Variants in KCNG3 observed in about 807,000 individuals in gnomAD.
KCNG3 encodes voltage-gated potassium channel regulatory subunit KCNG3.
A neutral mutation model predicts 29.0 loss-of-function variants in KCNG3; 15 were observed. The ratio of observed to expected loss-of-function variants is 0.52; its 90% CI spans 0.35 to 0.80. KCNG3 has a LOEUF of 0.80. KCNG3 is among the 30% of genes least tolerant of loss of function. The pLI, the probability that KCNG3 is intolerant of heterozygous loss-of-function variation, is 0.01. For missense variants in KCNG3, 512 were observed against 605.7 expected (o/e 0.85, Z 1.62); for synonymous variants, 322 against 248.9 (o/e 1.29, Z -2.76).
the KCNG3 span, among the ~76,000 whole-genome samples, chr2:42,436,409 G>T: frequency 1.7e-4 from 26 of 152,110 alleles, no homozygotes; most frequent in Non-Finnish European, 3.2e-4. Context: ...TTTAAAAAAG[G>T]CATTGTTAGG....
chr2:42,447,293 C>T (rs1672624808), intron 1 of KCNG3, among the ~76,000 whole-genome samples: 1 of 150,060 alleles, frequency 6.7e-6, no homozygotes, highest in African/African-American at 2.5e-5. Flanking sequence ...CATACAGATA[C>T]ATACATACAC....
intron 1 of KCNG3, among the ~76,000 whole-genome samples, chr2:42,467,682 A>T (rs1160629697): frequency 1.3e-5 from 2 of 148,226 alleles, no homozygotes; most frequent in Non-Finnish European, 3.0e-5. Flanking sequence ...AAAAAAAAAA[A>T]ATTAGAACCA....
the KCNG3 span, among the ~76,000 whole-genome samples, chr2:42,389,248 C>G: frequency 6.6e-6 from 1 of 152,184 alleles, no homozygotes; most frequent in Admixed American, 6.5e-5. Flanking sequence ...CTGCTTTTAT[C>G]ACTTAACAGT....
chr2:42,452,330 C>T (rs1672780901), intron 1 of KCNG3, among the ~76,000 whole-genome samples: 1 of 149,548 alleles, frequency 6.7e-6, no homozygotes. Flanking sequence ...ACTGCAGCCT[C>T]AAATTCACCT....
chr2:42,435,499 G>A, the KCNG3 span, among the ~76,000 whole-genome samples: 235 of 152,188 alleles, frequency 1.5e-3, 1 homozygote, highest in African/African-American at 5.2e-3. Context: ...CTCAGAATAA[G>A]AGAAAATATT....
At chr2:42,471,940 T>C (rs1420565477) in intron 1 of KCNG3, among the ~76,000 whole-genome samples, 1 of 150,442 alleles carries the variant, frequency 6.6e-6, no homozygotes, top group Non-Finnish European at 1.5e-5. Flanking sequence ...ATATTTCATA[T>C]CTACCAGATT....
intron 1 of KCNG3, among the ~76,000 whole-genome samples, chr2:42,466,962 G>A (rs1236056176): frequency 3.3e-5 from 5 of 151,854 alleles, no homozygotes; most frequent in Admixed American, 6.6e-5. Context: ...CATGTTGGCC[G>A]GGCTGGTCTC....
Position 42,452,243 on chromosome 2 carries a change from A to ATATATATATATTTTT in KCNG3, c.666-7665_666-7664insAAAAATATATATATA. On this transcript the variant is annotated intron_variant, in intron 1 of 1. Coordinates refer to ENST00000306078, the MANE Select transcript of KCNG3 (RefSeq NM_133329.6). ...TAAATATATATATATATATATATAT[A>ATATATATATATTTTT]TTTTTTTTTTTTTTTTAAAGGAAAC... Among the ~76,000 whole-genome samples the ATATATATATATTTTT allele has an allele frequency of 8.1e-3, 768 of 94,894 alleles. 12 individuals carry two copies. The highest frequency in any genetic ancestry group is 0.017 in the East Asian group (36 of 2,168). 62.3% of individuals were successfully genotyped at this position (94,894 alleles called of 152,430 possible). A position where few individuals can be genotyped will look rare whatever the true frequency, so the allele number is the denominator to read the frequency against.
At chr2:42,477,580 T>A (rs967789155) in intron 1 of KCNG3, among the ~76,000 whole-genome samples, 1 of 151,520 alleles carries the variant, frequency 6.6e-6, no homozygotes, top group Admixed American at 6.6e-5. Context: ...AAAATTTTTA[T>A]TAGATATTTG....
intron 1 of KCNG3, among the ~76,000 whole-genome samples, chr2:42,467,772 C>T (rs922587319): frequency 6.6e-6 from 1 of 151,508 alleles, no homozygotes; most frequent in African/African-American, 2.4e-5. Context: ...GAGTTCAAGA[C>T]CAGCCTGGAC....
intron 1 of KCNG3, among the ~76,000 whole-genome samples, chr2:42,478,113 C>T (rs1303249520): frequency 1.3e-5 from 2 of 152,094 alleles, no homozygotes; most frequent in Non-Finnish European, 2.9e-5. Flanking sequence ...AAACTGGTTG[C>T]CTTTAAAACC....
intron 1 of KCNG3, among the ~76,000 whole-genome samples, chr2:42,452,455 G>C (rs1448239979): frequency 1.3e-5 from 2 of 151,098 alleles, no homozygotes; most frequent in Non-Finnish European, 2.9e-5. Flanking sequence ...GCAAATACTA[G>C]GTCTCACTCA....
the KCNG3 span, among the ~76,000 whole-genome samples, chr2:42,419,979 T>C: frequency 1.3e-5 from 2 of 152,144 alleles, no homozygotes; most frequent in Admixed American, 6.5e-5. Context: ...TCCCAGCACT[T>C]TGGGAGGCTG....
chr2:42,409,310 C>A, the KCNG3 span, among the ~76,000 whole-genome samples: 3 of 152,126 alleles, frequency 2.0e-5, no homozygotes, highest in African/African-American at 7.2e-5. Context: ...CCCAAATCAG[C>A]CTCCCTCTGT....
chr2:42,423,342 C>A, the KCNG3 span, among the ~76,000 whole-genome samples: 2 of 152,230 alleles, frequency 1.3e-5, no homozygotes, highest in Non-Finnish European at 2.9e-5. Flanking sequence ...TCCTTAAGCA[C>A]AAACCCTGTT....
the KCNG3 span, among the ~76,000 whole-genome samples, chr2:42,413,341 A>C: frequency 6.6e-6 from 1 of 152,164 alleles, no homozygotes; most frequent in Non-Finnish European, 1.5e-5. Flanking sequence ...TCTGCTTTTA[A>C]TAGAGGAATT....
chr2:42,422,528 C>A, the KCNG3 span, among the ~76,000 whole-genome samples: 1 of 151,952 alleles, frequency 6.6e-6, no homozygotes, highest in African/African-American at 2.4e-5. Context: ...TCAGTACATC[C>A]CAACTTAAAA....
chr2:42,459,115 G>T (rs185047273), intron 1 of KCNG3, among the ~76,000 whole-genome samples: 215 of 151,208 alleles, frequency 1.4e-3, no homozygotes, highest in African/African-American at 5.0e-3. Context: ...AGAATCGCTT[G>T]AACCCGGGAT....
At position 42,493,422 on chromosome 2, in the gene KCNG3, A is replaced by C; in HGVS notation, c.80T>G (p.Leu27Arg). ...GARYSLSREL[L>R]KDFPLRRVSR... The stretch of plus-strand genomic sequence containing the variant: ...CACGCGGCGCAGCGGGAAGTCCTTC[A>C]GCAGCTCCCGGGACAGCGAATACCG... The change falls in exon 1 of 2, where the codon CTG becomes CGG. Residue 27 changes from leucine to arginine, a missense_variant. Physicochemically the swap from Leu to Arg is moderately radical, Grantham distance 102. Coordinates refer to ENST00000306078, the MANE Select transcript of KCNG3 (RefSeq NM_133329.6). 6.6e-7 allele frequency: 1 copy of C among 1,504,362 alleles called. No homozygotes were observed. Among genetic ancestry groups the C allele is most frequent in the Non-Finnish European group, 8.8e-7 (1 of 1,130,212 alleles). 93.2% of individuals were successfully genotyped at this position (1,504,362 alleles called of 1,614,324 possible).
Sources: allele counts gnomAD v4.1 joint callset (sites outside exome capture counted in the v4.1 genomes callset), GRCh38; gene constraint gnomAD v4.1.1; transcripts MANE v1.5; gene names NCBI Gene and HGNC (gene_info 2026-07-23, HGNC 2026-07-21).